Variants in KEL observed in about 807,000 individuals in gnomAD.
KEL encodes the protein kell blood group glycoprotein.
A neutral mutation model predicts 99.5 loss-of-function variants in KEL; 96 were observed. The observed-to-expected ratio is 0.97, with a 90% CI of 0.82 to 1.14. The LOEUF (loss-of-function observed/expected upper bound fraction) is 1.14, where lower values mean the gene tolerates loss of function less well. Ranked by LOEUF, KEL falls within the 50% of genes most tolerant of loss-of-function variation. KEL has a pLI of 0.00. For missense variants in KEL, 926 were observed against 924.2 expected, an observed-to-expected ratio of 1.00 and a Z score of -0.03; for synonymous variants, 355 against 354.8, an observed-to-expected ratio of 1.00 and a Z score of -0.01.
At chr7:142,944,946 G>A in intron 11 of KEL, 1 of 624,808 alleles carries the variant, frequency 1.6e-6, no homozygotes, top group Non-Finnish European at 2.8e-6. Flanking sequence ...AGGGAAGGTG[G>A]GGCCTGGCCA....
chr7:142,950,257 A>G (rs532159648), intron 10 of KEL, among the ~76,000 whole-genome samples: 1 of 152,258 alleles, frequency 6.6e-6, no homozygotes, highest in African/African-American at 2.4e-5. Flanking sequence ...TCAGCAACCT[A>G]CCAGACCTTG....
At chr7:142,958,699 T>C (rs955066102) in intron 4 of KEL, among the ~76,000 whole-genome samples, 5 of 152,222 alleles carry the variant, frequency 3.3e-5, no homozygotes, top group African/African-American at 1.2e-4. Flanking sequence ...GGAGGAAAAT[T>C]TGCATCTGTA....
intron 8 of KEL, 111 bp downstream of exon 8, chr7:142,954,073 C>T (rs1444558830): frequency 4.9e-6 from 7 of 1,417,904 alleles, no homozygotes; most frequent in Non-Finnish European, 5.9e-6. Context: ...GGGATGGAGT[C>T]AGAGACAGAA....
chr7:142,946,755 T>C (rs779061958), intron 10 of KEL: 9 of 253,976 alleles, frequency 3.5e-5, no homozygotes, highest in Non-Finnish European at 7.0e-5. Context: ...ATGGAAATTC[T>C]GTCCTACCAC....
At position 142,943,800 on chromosome 7, in the gene KEL, C is replaced by A; in HGVS notation, c.1575G>T (p.Gln525His). 6.2e-7 allele frequency: 1 copy of A among 1,614,100 alleles called. No individual in the cohort carries two copies. Among genetic ancestry groups the A allele is most frequent in the Non-Finnish European group, 8.5e-7 (1 of 1,179,964 alleles). Residue 525 changes from glutamine to histidine, a missense_variant, in exon 14 of 19, where the codon CAG (glutamine) becomes CAT (histidine). Transcript: ENST00000355265. ...LRARIVQSFL[Q>H]PHPQHRWKVS... The stretch of plus-strand genomic sequence containing the variant: ...TGTCATACCTGTGTTGGGGGTGAGG[C>A]TGCAAGAAGCTCTGGACAATTCTAG...
At chr7:142,942,286 G>A (rs1230065985) in intron 18 of KEL, 148 bp downstream of exon 18, 3 of 661,674 alleles carry the variant, frequency 4.5e-6, no homozygotes, top group Non-Finnish European at 8.3e-6. Flanking sequence ...GGGTAGGGAG[G>A]GAAGAGAAAA....
rs1457122426 is a variant in KEL, at chr7:142,960,953, G to T, written c.375C>A (p.Asn125Lys). Residue 125 changes from asparagine to lysine, a missense_variant, in exon 4 of 19, where the codon AAC becomes AAA. Transcript: ENST00000355265. Reference protein sequence around the residue: ...NNSFQELATKNKNRLRRILEV... With the variant: ...NNSFQELATKKKNRLRRILEV... Reference sequence around the variant, plus strand: ...CCAGTATTCTCCGAAGTCGGTTTTTGTTCTTTGTGGCAAGCTCCTGAAAAG... The same window carrying T: ...CCAGTATTCTCCGAAGTCGGTTTTTTTTCTTTGTGGCAAGCTCCTGAAAAG... 2.5e-6 allele frequency: 4 copies of T among 1,614,218 alleles called. No individual in the cohort carries two copies. The highest frequency in any genetic ancestry group is 3.4e-6 in the Non-Finnish European group (4 of 1,180,032).
intron 2 of KEL, 143 bp downstream of exon 2, chr7:142,961,652 C>G (rs1223979383): frequency 7.7e-7 from 1 of 1,301,532 alleles, no homozygotes; most frequent in Admixed American, 1.7e-5. Flanking sequence ...CCTACTTTAA[C>G]TCCTGGGAGA....
rs1045045913 is a variant in KEL, at chr7:142,959,188, G to T, written c.401-760C>A. Among the ~76,000 whole-genome samples, 4 of 152,048 alleles carry T rather than the reference G, an allele frequency of 2.6e-5. 1 individual carries two copies. The highest frequency in any genetic ancestry group is 5.9e-5 in the Non-Finnish European group (4 of 68,014). The stretch of plus-strand genomic sequence containing the variant: ...TATTTTACAGAGTTTGACTCTTTTT[G>T]TCGGCAGGAGAATTAAAGGAGTGGC... On this transcript the variant is annotated intron_variant, in intron 4 of 18. Coordinates refer to ENST00000355265, the MANE Select transcript of KEL (RefSeq NM_000420.3).
rs1392288173 is a variant in KEL, at chr7:142,941,225, TG to T, written c.*26del. On this transcript the variant is annotated 3_prime_UTR_variant, in exon 19 of 19. Coordinates refer to ENST00000355265, the MANE Select transcript of KEL (RefSeq NM_000420.3). ...CCAGGGAGGTGTTGGTCGATATTTC[TG>T]TGCTGTGGCATCTTTGGTAACCAAG... 9 of 1,613,246 alleles carry T rather than the reference TG, an allele frequency of 5.6e-6. No individual in the cohort carries two copies. The South Asian group carries it at 9.9e-5, about 18-fold the overall frequency.
chr7:142,947,805 G>A (rs919123465), intron 10 of KEL, among the ~76,000 whole-genome samples: 1 of 152,232 alleles, frequency 6.6e-6, no homozygotes, highest in African/African-American at 2.4e-5. Context: ...TTGCAGGCAA[G>A]AGCCACCGCA....
chr7:142,961,901 A>C (rs1369920184), intron 1 of KEL, 29 bp from the exon 2 acceptor site: 65 of 1,611,506 alleles, frequency 4.0e-5, no homozygotes, highest in Non-Finnish European at 5.4e-5. Context: ...GAAGGAGGAG[A>C]GAGAAGCTGG....
At chr7:142,960,202 C>G (rs998670562) in intron 4 of KEL, among the ~76,000 whole-genome samples, 2 of 152,178 alleles carry the variant, frequency 1.3e-5, no homozygotes, top group African/African-American at 4.8e-5. Context: ...CACTTTTTCT[C>G]TTATGCACAG....
intron 4 of KEL, among the ~76,000 whole-genome samples, chr7:142,960,068 C>T (rs891355290): frequency 6.6e-6 from 1 of 152,206 alleles, no homozygotes; most frequent in Non-Finnish European, 1.5e-5. Flanking sequence ...AGTTTCAGCT[C>T]ATCCTTCTGG....
intron 11 of KEL, among the ~76,000 whole-genome samples, chr7:142,945,745 C>T (rs896227616): frequency 6.6e-6 from 1 of 152,058 alleles, no homozygotes; most frequent in Admixed American, 6.5e-5. Context: ...TCGCCTGCCT[C>T]GGCCTCCCGA....
chr7:142,943,948 C>T, intron 13 of KEL, 65 bp from the exon 14 acceptor site: 4 of 1,329,190 alleles, frequency 3.0e-6, no homozygotes, highest in Non-Finnish European at 3.2e-6. Context: ...CTGACAAACA[C>T]CAATGGGACC....
Position 142,943,590 on chromosome 7 carries a change from CT to C in KEL, c.1598del (p.Lys533ArgfsTer18). On this transcript the variant is annotated frameshift_variant, in exon 15 of 19. Coordinates refer to ENST00000355265, the MANE Select transcript of KEL (RefSeq NM_000420.3). LOFTEE classifies it high-confidence loss of function. ...FLQPHPQHRW[K>X]VSPWDVNAYY... Reference sequence around the variant, plus strand: ...AAGCATTGACGTCCCAAGGGGACACCTTCCACCTGTGGGAAGAGGACATGTG... The same window carrying C: ...AAGCATTGACGTCCCAAGGGGACACCTCCACCTGTGGGAAGAGGACATGTG... 1 of 1,612,664 alleles carries C rather than the reference CT, an allele frequency of 6.2e-7. No homozygotes were observed. Among genetic ancestry groups the C allele is most frequent in the Non-Finnish European group, 8.5e-7 (1 of 1,178,752 alleles).
At chr7:142,958,929 A>G (rs1051349673) in intron 4 of KEL, among the ~76,000 whole-genome samples, 6 of 152,174 alleles carry the variant, frequency 3.9e-5, no homozygotes, top group Non-Finnish European at 8.8e-5. Context: ...CAATCCGGAA[A>G]TGTTTAAATT....
chr7:142,960,905 A>G, intron 4 of KEL, 23 bp downstream of exon 4: 1 of 1,613,092 alleles, frequency 6.2e-7, no homozygotes, highest in Non-Finnish European at 8.5e-7. Context: ...TGCACAGAGC[A>G]TCTTCCACCC....
Sources: allele counts gnomAD v4.1 joint callset (sites outside exome capture counted in the v4.1 genomes callset), GRCh38; gene constraint gnomAD v4.1.1; transcripts MANE v1.5; gene names NCBI Gene and HGNC (gene_info 2026-07-23, HGNC 2026-07-21).